The following RIMS2 variants were observed in gnomAD, a reference collection of about 807,000 sequenced individuals.
The protein encoded by RIMS2 is regulating synaptic membrane exocytosis protein 2.
Under a neutral mutation model 174.4 loss-of-function variants are expected in RIMS2, and 59 were observed. The observed-to-expected ratio is 0.34, with a 90% CI of 0.27 to 0.42. The LOEUF (loss-of-function observed/expected upper bound fraction) is 0.42. Ranked by LOEUF, RIMS2 falls within the 10% of genes least tolerant of loss-of-function variation. RIMS2 has a pLI of 1.00. For synonymous variants in RIMS2, 606 were observed against 572.5 expected, an observed-to-expected ratio of 1.06 and a Z score of -0.84; for missense variants, 1,620 against 1,666.3, an observed-to-expected ratio of 0.97 and a Z score of 0.48.
At chr8:103,533,003 G>A (rs987700497) in intron 1 of RIMS2, among the ~76,000 whole-genome samples, 1 of 152,188 alleles carries the variant, frequency 6.6e-6, no homozygotes, top group Non-Finnish European at 1.5e-5. Context: ...TATAATATAT[G>A]TTGACATTAC....
intron 3 of RIMS2, among the ~76,000 whole-genome samples, chr8:103,839,692 T>G (rs531467311): frequency 6.6e-6 from 1 of 152,308 alleles, no homozygotes; most frequent in South Asian, 2.1e-4. Context: ...GCTTAGAGTT[T>G]GGGCAGGAAC....
At chr8:103,528,123 G>A (rs1018726597) in intron 1 of RIMS2, among the ~76,000 whole-genome samples, 2 of 152,146 alleles carry the variant, frequency 1.3e-5, no homozygotes, top group Admixed American at 1.3e-4. Context: ...GTTTTGATTT[G>A]CATTTCTCTG....
chr8:103,966,961 T>C (rs770276265), intron 15 of RIMS2, among the ~76,000 whole-genome samples: 1 of 152,016 alleles, frequency 6.6e-6, no homozygotes, highest in South Asian at 2.1e-4. Flanking sequence ...CAGAGCAGCA[T>C]TGTATGTTTT....
chr8:103,799,244 A>G (rs868702715), intron 3 of RIMS2, among the ~76,000 whole-genome samples: 8 of 152,210 alleles, frequency 5.3e-5, no homozygotes, highest in Non-Finnish European at 7.3e-5. Flanking sequence ...TCTGACCTAC[A>G]TAAGTGTAAG....
intron 19 of RIMS2, among the ~76,000 whole-genome samples, chr8:104,076,135 G>A (rs2097287081): frequency 6.6e-6 from 1 of 152,264 alleles, no homozygotes; most frequent in Non-Finnish European, 1.5e-5. Flanking sequence ...ATATAATATA[G>A]CTGTAGAATT....
chr8:104,130,199 T>A (rs1203028504), intron 19 of RIMS2, among the ~76,000 whole-genome samples: 4 of 152,212 alleles, frequency 2.6e-5, no homozygotes, highest in African/African-American at 9.6e-5. Flanking sequence ...ATTTCCATAA[T>A]GGATATATAG....
chr8:104,128,745 A>T (rs755785770), intron 19 of RIMS2, among the ~76,000 whole-genome samples: 4 of 152,144 alleles, frequency 2.6e-5, no homozygotes, highest in Non-Finnish European at 5.9e-5. Context: ...CAAAATAAAT[A>T]GTAATATTTG....
chr8:103,838,583 A>G (rs1235710312), intron 3 of RIMS2, among the ~76,000 whole-genome samples: 1 of 152,182 alleles, frequency 6.6e-6, no homozygotes, highest in Non-Finnish European at 1.5e-5. Context: ...CAATCTCAAC[A>G]TCTCTCACTC....
Position 103,922,464 on chromosome 8 carries a change from T to A in RIMS2, c.2196+680T>A, listed in dbSNP as rs914961745. ...TACTTTTTATTCGTTTGTTCTGTTG[T>A]AATTCCCTCATTAAACCATTTTAAA... On this transcript the variant is annotated intron_variant, in intron 10 of 23. Transcript: ENST00000504942. 4.6e-5 allele frequency among the ~76,000 whole-genome samples: 7 copies of A among 151,994 alleles called. No homozygotes were observed. In the East Asian group the frequency reaches 5.8e-4, roughly 13 times the overall value.
chr8:104,047,875 G>A (rs949739073), intron 19 of RIMS2, among the ~76,000 whole-genome samples: 1 of 152,202 alleles, frequency 6.6e-6, no homozygotes, highest in East Asian at 1.9e-4. Context: ...AGGAGCAAGA[G>A]CATTGAAATC....
At chr8:103,808,204 A>G (rs996653980) in intron 3 of RIMS2, among the ~76,000 whole-genome samples, 10 of 152,076 alleles carry the variant, frequency 6.6e-5, no homozygotes, top group Non-Finnish European at 1.2e-4. Context: ...AACAGAGTTG[A>G]TCATAATATT....
chr8:103,817,606 C>G (rs1249121407), intron 3 of RIMS2, among the ~76,000 whole-genome samples: 1 of 152,080 alleles, frequency 6.6e-6, no homozygotes, highest in Non-Finnish European at 1.5e-5. Flanking sequence ...TATGGTGAAA[C>G]CCTGTCTCCA....
chr8:103,705,053 T>C (rs2137649042), intron 2 of RIMS2, among the ~76,000 whole-genome samples: 1 of 152,192 alleles, frequency 6.6e-6, no homozygotes, highest in Non-Finnish European at 1.5e-5. Flanking sequence ...GGTTGTTTAT[T>C]TGAAGTCTTC....
chr8:103,945,357 T>C (rs1413902566), intron 14 of RIMS2, among the ~76,000 whole-genome samples: 1 of 152,102 alleles, frequency 6.6e-6, no homozygotes, highest in Non-Finnish European at 1.5e-5. Context: ...TTGAATTCTT[T>C]TAAACCTAAG....
At position 104,158,123 on chromosome 8, in the gene RIMS2, A is replaced by C. The variant is rs111456724; in HGVS notation, c.3335-86793A>C. ...CCATATGTTCTCATTGTTCAACTCC[A>C]ACTTATGAGTGAGAACATGCAGTAT... is the stretch of plus-strand genomic sequence containing the variant. On this transcript the variant is annotated intron_variant, in intron 19 of 23. Coordinates refer to ENST00000504942, the Ensembl canonical transcript of RIMS2. Among the ~76,000 whole-genome samples, 498 of 152,180 alleles carry C rather than the reference A, an allele frequency of 3.3e-3. 4 individuals carry two copies. Among genetic ancestry groups the C allele is most frequent in the African/African-American group, 0.011 (458 of 41,532 alleles).
intron 19 of RIMS2, among the ~76,000 whole-genome samples, chr8:104,190,820 A>T (rs978875295): frequency 1.1e-4 from 16 of 152,100 alleles, no homozygotes; most frequent in Non-Finnish European, 1.5e-5. Flanking sequence ...GAAAGATATA[A>T]TTGCTACTGG....
chr8:104,085,845 T>A (rs2097528047), intron 19 of RIMS2, among the ~76,000 whole-genome samples: 1 of 152,064 alleles, frequency 6.6e-6, no homozygotes, highest in South Asian at 2.1e-4. Context: ...GGTGAAAGAA[T>A]AAATTTGGTT....
Position 104,183,486 on chromosome 8 carries a change from A to T in RIMS2, c.3335-61430A>T, listed in dbSNP as rs368875257. On this transcript the variant is annotated intron_variant, in intron 19 of 23. Transcript: ENST00000504942. ...TTTGCAGATGTTTAAGGATAATAAG[A>T]TTGACATTCAAACTAGACAATTTTG... Among the ~76,000 whole-genome samples the T allele has an allele frequency of 3.5e-3, 532 of 151,766 alleles. 2 individuals carry two copies. The highest frequency in any genetic ancestry group is 0.014 in the South Asian group (68 of 4,830).
intron 10 of RIMS2, among the ~76,000 whole-genome samples, chr8:103,923,177 G>C (rs1429558363): frequency 4.0e-5 from 6 of 151,702 alleles, no homozygotes; most frequent in African/African-American, 1.2e-4. Flanking sequence ...GCTAATAAAT[G>C]TTGTTTCTTA....
Sources: gnomAD v4.1 joint callset for allele counts (sites outside exome capture counted in the v4.1 genomes callset) on GRCh38, gnomAD v4.1.1 for gene constraint, MANE v1.5 for transcripts, NCBI Gene and HGNC (gene_info 2026-07-23, HGNC 2026-07-21) for gene names.